The following NEGR1 variants were observed in gnomAD, a reference collection of about 807,000 sequenced individuals.
NEGR1 encodes neuronal growth regulator 1.
Under a neutral mutation model 40.9 loss-of-function variants are expected in NEGR1, and 10 were observed. That is an observed-to-expected ratio of 0.24 (90% confidence interval 0.15 to 0.42). The LOEUF is 0.42. NEGR1 is among the 10% of genes least tolerant of loss of function. NEGR1 has a pLI of 1.00. For synonymous variants in NEGR1, 185 were observed against 166.8 expected (o/e 1.11, Z -0.84); for missense variants, 352 against 438.9 (o/e 0.80, Z 1.77).
chr1:72,181,827 T>A (rs1652382714), intron 1 of NEGR1, among the ~76,000 whole-genome samples: 1 of 151,630 alleles, frequency 6.6e-6, no homozygotes, highest in Admixed American at 6.6e-5. Flanking sequence ...ATATGTGGAG[T>A]CTTAAAAAAT....
intron 2 of NEGR1, among the ~76,000 whole-genome samples, chr1:71,833,009 T>C (rs1658891830): frequency 6.6e-6 from 1 of 152,044 alleles, no homozygotes; most frequent in African/African-American, 2.4e-5. Flanking sequence ...GTAGCACTGA[T>C]ACATAGAAAG....
At chr1:72,229,474 G>T (rs1654290268) in intron 1 of NEGR1, among the ~76,000 whole-genome samples, 1 of 148,536 alleles carries the variant, frequency 6.7e-6, no homozygotes. Flanking sequence ...ATTTTCTAAA[G>T]TTAATCTAAT....
At chr1:72,275,253 T>G in intron 1 of NEGR1, 1 of 558,622 alleles carries the variant, frequency 1.8e-6, no homozygotes, top group Non-Finnish European at 3.2e-6. Flanking sequence ...ATCTTAAAAG[T>G]TATACCACAT....
At chr1:71,611,468 T>A (rs923203201) in intron 4 of NEGR1, among the ~76,000 whole-genome samples, 2 of 152,168 alleles carry the variant, frequency 1.3e-5, no homozygotes, top group Non-Finnish European at 2.9e-5. Flanking sequence ...ACTGCAGTAA[T>A]AGTTCTCATC....
intron 6 of NEGR1, among the ~76,000 whole-genome samples, chr1:71,519,642 G>A (rs1282833219): frequency 1.5e-4 from 19 of 129,120 alleles, no homozygotes; most frequent in African/African-American, 5.7e-4. Context: ...TGACACGTTA[G>A]TGGGTGCAGC....
chr1:71,865,620 A>C (rs1660089486), intron 2 of NEGR1, among the ~76,000 whole-genome samples: 1 of 152,090 alleles, frequency 6.6e-6, no homozygotes, highest in African/African-American at 2.4e-5. Flanking sequence ...GGACTAGGGG[A>C]GGGATAGCAT....
Position 71,999,682 on chromosome 1 carries a change from T to TATATATAC in NEGR1, c.177-64372_177-64371insGTATATAT, listed in dbSNP as rs1317765700. On this transcript the variant is annotated intron_variant, in intron 1 of 6. Transcript: ENST00000357731. ...ATATATATATATATATATATATACA[T>TATATATAC]ACATATTTTTGTCCGGTCTCGGAGC... Among the ~76,000 whole-genome samples the TATATATAC allele has an allele frequency of 3.0e-3, 274 of 91,658 alleles. 19 individuals carry two copies. Among genetic ancestry groups the TATATATAC allele is most frequent in the South Asian group, 3.4e-3 (10 of 2,912 alleles). 60.1% of individuals were successfully genotyped at this position (91,658 alleles called of 152,430 possible).
intron 1 of NEGR1, chr1:72,274,971 G>C (rs1323737310): frequency 9.9e-6 from 15 of 1,522,604 alleles, no homozygotes; most frequent in Non-Finnish European, 1.3e-5. Flanking sequence ...CACAAGGGAA[G>C]TACATTGCCA....
chr1:71,425,944 C>T (rs1326771836), intron 6 of NEGR1, among the ~76,000 whole-genome samples: 1 of 152,130 alleles, frequency 6.6e-6, no homozygotes. Flanking sequence ...TTTGGTTTAG[C>T]ACAACCTCTT....
chr1:71,856,637 T>C (rs1659775966), intron 2 of NEGR1, among the ~76,000 whole-genome samples: 1 of 152,030 alleles, frequency 6.6e-6, no homozygotes, highest in African/African-American at 2.4e-5. Context: ...ATTCCAGCAT[T>C]ATTACAAATA....
intron 1 of NEGR1, among the ~76,000 whole-genome samples, chr1:72,180,488 T>C (rs1277829918): frequency 6.6e-6 from 1 of 151,778 alleles, no homozygotes; most frequent in Admixed American, 6.6e-5. Flanking sequence ...ACTAAAAATC[T>C]TCTGCATAGT....
intron 4 of NEGR1, among the ~76,000 whole-genome samples, chr1:71,690,576 A>G (rs935430895): frequency 6.9e-6 from 1 of 145,932 alleles, no homozygotes; most frequent in Non-Finnish European, 1.5e-5. Context: ...ACACACACAC[A>G]CACACACACA....
chr1:71,677,839 C>T (rs765296732), intron 4 of NEGR1, among the ~76,000 whole-genome samples: 2 of 152,104 alleles, frequency 1.3e-5, no homozygotes, highest in Non-Finnish European at 2.9e-5. Context: ...TAATCTGAGA[C>T]TCGAGTTGTG....
intron 4 of NEGR1, among the ~76,000 whole-genome samples, chr1:71,640,924 G>A (rs1310099134): frequency 1.3e-5 from 2 of 152,080 alleles, no homozygotes; most frequent in Admixed American, 6.5e-5. Flanking sequence ...GAGGCTTATG[G>A]GATGGATGGT....
intron 2 of NEGR1, among the ~76,000 whole-genome samples, chr1:71,925,326 A>G (rs563395969): frequency 5.0e-4 from 76 of 152,344 alleles, no homozygotes; most frequent in African/African-American, 1.8e-3. Flanking sequence ...TGCGGGCTAG[A>G]AAACTGACAA....
At chr1:71,656,799 T>A (rs1003782524) in intron 4 of NEGR1, among the ~76,000 whole-genome samples, 1 of 152,230 alleles carries the variant, frequency 6.6e-6, no homozygotes, top group Non-Finnish European at 1.5e-5. Context: ...GTGTTCTATA[T>A]CTATGGATAA....
At chr1:71,651,834 G>A (rs2992131) in intron 4 of NEGR1, among the ~76,000 whole-genome samples, 2,716 of 152,052 alleles carry the variant, frequency 0.018, 75 homozygotes, top group African/African-American at 0.062. Flanking sequence ...TTTTTCATAC[G>A]TTATTGAATC....
At chr1:71,780,754 A>G (rs1005799942) in intron 2 of NEGR1, among the ~76,000 whole-genome samples, 7 of 152,194 alleles carry the variant, frequency 4.6e-5, no homozygotes, top group Admixed American at 2.6e-4. Flanking sequence ...GTGAGGAGAT[A>G]ATGCGTATTT....
intron 6 of NEGR1, among the ~76,000 whole-genome samples, chr1:71,497,847 A>T (rs1646975165): frequency 6.6e-6 from 1 of 152,088 alleles, no homozygotes; most frequent in Non-Finnish European, 1.5e-5. Context: ...CCATTTATTG[A>T]TATCTGTTTC....
Sources: allele counts gnomAD v4.1 joint callset (sites outside exome capture counted in the v4.1 genomes callset), GRCh38; gene constraint gnomAD v4.1.1; transcripts MANE v1.5; gene names NCBI Gene and HGNC (gene_info 2026-07-23, HGNC 2026-07-21).